MALRD1: variants seen among roughly 807,000 people sequenced by gnomAD.
The protein encoded by MALRD1 is MAM and LDL receptor class A domain containing 1.
Under a neutral mutation model 242.1 loss-of-function variants are expected in MALRD1, and 247 were observed. The observed-to-expected ratio is 1.02, with a 90% CI of 0.92 to 1.13. The LOEUF (loss-of-function observed/expected upper bound fraction) is 1.13. MALRD1 is among the 50% of genes most tolerant of loss of function. The pLI, the probability that MALRD1 is intolerant of heterozygous loss-of-function variation, is 0.00. For missense variants in MALRD1, 2,989 were observed against 2,533.1 expected (o/e 1.18, Z -3.86); for synonymous variants, 995 against 866.6 (o/e 1.15, Z -2.60).
intron 32 of MALRD1, among the ~76,000 whole-genome samples, chr10:19,531,649 C>T (rs1834422473): frequency 6.6e-6 from 1 of 152,122 alleles, no homozygotes; most frequent in South Asian, 2.1e-4. Context: ...CTTCTATTAG[C>T]AGCTTAGCTA....
chr10:19,114,077 C>G (rs1269099640), intron 5 of MALRD1, among the ~76,000 whole-genome samples: 1 of 152,110 alleles, frequency 6.6e-6, no homozygotes, highest in African/African-American at 2.4e-5. Flanking sequence ...CATAAAAAAG[C>G]AGATTTAAAT....
intron 14 of MALRD1, among the ~76,000 whole-genome samples, chr10:19,198,780 A>T (rs1341141089): frequency 6.6e-6 from 1 of 152,212 alleles, no homozygotes; most frequent in African/African-American, 2.4e-5. Flanking sequence ...GGCATTTTTA[A>T]AAGAGTTAAT....
At chr10:19,595,052 A>C in intron 33 of MALRD1, 142 bp from the exon 34 acceptor site, 2 of 786,146 alleles carry the variant, frequency 2.5e-6, no homozygotes, top group Non-Finnish European at 3.9e-6. Flanking sequence ...TGTAGGCATC[A>C]TATTAATCCT....
At chr10:19,460,720 C>G (rs1835896833) in intron 29 of MALRD1, among the ~76,000 whole-genome samples, 1 of 152,030 alleles carries the variant, frequency 6.6e-6, no homozygotes, top group Non-Finnish European at 1.5e-5. Context: ...GGCAAGGACC[C>G]TTGAGGTAAA....
intron 28 of MALRD1, among the ~76,000 whole-genome samples, chr10:19,396,169 G>C (rs78529658): frequency 8.1e-6 from 1 of 123,102 alleles, no homozygotes; most frequent in African/African-American, 3.1e-5. Context: ...ATGGAGTCTC[G>C]TTCTGTCACC....
intron 32 of MALRD1, among the ~76,000 whole-genome samples, chr10:19,553,561 C>T (rs959923538): frequency 6.6e-6 from 1 of 151,940 alleles, no homozygotes. Context: ...TAAATTGAAA[C>T]CTGGGGCTTT....
chr10:19,088,576 TA>T (rs775266783), intron 4 of MALRD1, among the ~76,000 whole-genome samples: 34,124 of 107,276 alleles, frequency 0.32, 5,099 homozygotes, highest in Admixed American at 0.37. Context: ...TTTTTTTATT[TA>T]TTTATTTATT....
At chr10:19,187,643 G>C (rs1221862342) in intron 14 of MALRD1, among the ~76,000 whole-genome samples, 1 of 152,076 alleles carries the variant, frequency 6.6e-6, no homozygotes, top group Non-Finnish European at 1.5e-5. Flanking sequence ...GTGTGTGAGA[G>C]ACACTCAGAG....
chr10:19,649,696 A>G (rs7074130), intron 36 of MALRD1, among the ~76,000 whole-genome samples: 16,770 of 151,958 alleles, frequency 0.11, 2,375 homozygotes, highest in African/African-American at 0.33. Flanking sequence ...TTACTCTGTT[A>G]ATAGTTTCTT....
chr10:19,606,990 C>T (rs567485549), intron 34 of MALRD1, among the ~76,000 whole-genome samples: 3 of 152,210 alleles, frequency 2.0e-5, no homozygotes, highest in Admixed American at 6.5e-5. Flanking sequence ...AAATTAATCA[C>T]GTTGTATACA....
chr10:19,361,386 G>A (rs76126469), intron 26 of MALRD1, among the ~76,000 whole-genome samples: 2,988 of 152,162 alleles, frequency 0.02, 76 homozygotes, highest in African/African-American at 0.061. Context: ...ATGGTAGAAG[G>A]GGTCTGGTTC....
intron 36 of MALRD1, among the ~76,000 whole-genome samples, chr10:19,638,412 T>C (rs931578508): frequency 6.6e-6 from 1 of 152,104 alleles, no homozygotes; most frequent in Non-Finnish European, 1.5e-5. Context: ...AAAAGTAAAG[T>C]GATACTGCAT....
intron 26 of MALRD1, among the ~76,000 whole-genome samples, chr10:19,373,000 T>C (rs1248299608): frequency 6.6e-6 from 1 of 151,994 alleles, no homozygotes; most frequent in Admixed American, 6.6e-5. Flanking sequence ...TAAATATGGA[T>C]GTTCATGTGA....
chr10:19,696,307 CAAGAT>C (rs139678702), intron 38 of MALRD1, among the ~76,000 whole-genome samples: 1 of 152,198 alleles, frequency 6.6e-6, no homozygotes, highest in East Asian at 1.9e-4. Flanking sequence ...ATGAACTCAG[CAAGAT>C]AAGGGCTCAC....
intron 24 of MALRD1, among the ~76,000 whole-genome samples, chr10:19,338,472 G>A (rs1008829276): frequency 3.4e-5 from 5 of 146,098 alleles, no homozygotes; most frequent in Admixed American, 2.7e-4. Context: ...GGATGTGATA[G>A]CTCAATTATT....
At chr10:19,070,356 A>G (rs1010456143) in intron 2 of MALRD1, among the ~76,000 whole-genome samples, 11 of 152,132 alleles carry the variant, frequency 7.2e-5, no homozygotes, top group African/African-American at 2.7e-4. Context: ...CATAGTAAGT[A>G]TTGAATACCT....
At chr10:19,731,363 A>G (rs527460573) in intron 39 of MALRD1, among the ~76,000 whole-genome samples, 68 of 152,196 alleles carry the variant, frequency 4.5e-4, no homozygotes, top group African/African-American at 1.6e-3. Context: ...ATTTTAAGTC[A>G]TTTTTAGGTA....
intron 32 of MALRD1, among the ~76,000 whole-genome samples, chr10:19,544,825 T>C (rs1654362496): frequency 6.6e-6 from 1 of 152,128 alleles, no homozygotes; most frequent in African/African-American, 2.4e-5. Flanking sequence ...TCACAGTATG[T>C]TATCATCAAG....
At chr10:19,278,411 A>G (rs558172197) in intron 19 of MALRD1, among the ~76,000 whole-genome samples, 6 of 152,076 alleles carry the variant, frequency 3.9e-5, no homozygotes, top group Middle Eastern at 3.4e-3. Flanking sequence ...TTGTTATTTT[A>G]TTCATTCATC....
Sources: allele counts gnomAD v4.1 joint callset (sites outside exome capture counted in the v4.1 genomes callset), GRCh38; gene constraint gnomAD v4.1.1; transcripts MANE v1.5; gene names NCBI Gene and HGNC (gene_info 2026-07-23, HGNC 2026-07-21).